Variants in MYRIP observed in about 807,000 individuals in gnomAD.
MYRIP encodes rab effector MyRIP.
Under a neutral mutation model 98.0 loss-of-function variants are expected in MYRIP, and 49 were observed. The ratio of observed to expected loss-of-function variants is 0.50; its 90% CI spans 0.40 to 0.63. MYRIP has a LOEUF of 0.63. Ranked by LOEUF, MYRIP falls within the 30% of genes least tolerant of loss-of-function variation. MYRIP has a pLI of 0.00. For synonymous variants in MYRIP, 404 were observed against 409.5 expected, an observed-to-expected ratio of 0.99 and a Z score of 0.16; for missense variants, 1,004 against 1,058.2, an observed-to-expected ratio of 0.95 and a Z score of 0.71.
intron 12 of MYRIP, among the ~76,000 whole-genome samples, chr3:40,244,101 G>A (rs1040314808): frequency 6.6e-6 from 1 of 152,086 alleles, no homozygotes; most frequent in Admixed American, 6.5e-5. Flanking sequence ...TCCATCATGA[G>A]TCTCTTTGTT....
chr3:39,988,651 C>A (rs1946096996), intron 2 of MYRIP, among the ~76,000 whole-genome samples: 1 of 151,218 alleles, frequency 6.6e-6, no homozygotes, highest in Non-Finnish European at 1.5e-5. Flanking sequence ...GTACTCCAAT[C>A]AATTGTAGGT....
In MYRIP at chr3:40,259,764, A is replaced by ATCTT. The variant is rs1474995770; in HGVS notation, c.*1600_*1603dup. On this transcript the variant is annotated 3_prime_UTR_variant, in exon 17 of 17. Coordinates refer to ENST00000302541, the MANE Select transcript of MYRIP (RefSeq NM_015460.4). ...GAAATGACTCCTTTGAAATAAGTAA[A>ATCTT]TCTTTGGCTTTTTGTTCTGTTGGTG... The ATCTT allele has an allele frequency of 6.6e-6, 1 of 152,634 alleles. No homozygotes were observed. Among genetic ancestry groups the ATCTT allele is most frequent in the African/African-American group, 2.4e-5 (1 of 41,452 alleles). 9.5% of individuals were successfully genotyped at this position (152,634 alleles called of 1,614,324 possible). A position where few individuals can be genotyped will look rare whatever the true frequency, so the allele number is the denominator to read the frequency against.
At chr3:39,993,268 G>A (rs368202297) in intron 2 of MYRIP, among the ~76,000 whole-genome samples, 8 of 152,122 alleles carry the variant, frequency 5.3e-5, no homozygotes, top group Non-Finnish European at 8.8e-5. Context: ...ATCTATCCTC[G>A]TGGCCTAATC....
intron 2 of MYRIP, among the ~76,000 whole-genome samples, chr3:39,958,791 G>T (rs1176114339): frequency 6.6e-6 from 1 of 152,142 alleles, no homozygotes; most frequent in Non-Finnish European, 1.5e-5. Flanking sequence ...CTGACAAAGG[G>T]CTAATATCCA....
intron 13 of MYRIP, among the ~76,000 whole-genome samples, chr3:40,246,757 A>ACACTCT (rs1273220193): frequency 6.6e-6 from 1 of 152,190 alleles, no homozygotes; most frequent in Non-Finnish European, 1.5e-5. Flanking sequence ...AGAGACAATG[A>ACACTCT]CACTCTCAGG....
At chr3:39,822,492 A>G (rs1941133037) in intron 1 of MYRIP, among the ~76,000 whole-genome samples, 3 of 151,592 alleles carry the variant, frequency 2.0e-5, no homozygotes, top group African/African-American at 4.9e-5. Context: ...ATCAGCTCTC[A>G]TTAGTGTTAG....
At chr3:40,010,526 G>A (rs1946738408) in intron 2 of MYRIP, among the ~76,000 whole-genome samples, 1 of 152,190 alleles carries the variant, frequency 6.6e-6, no homozygotes, top group African/African-American at 2.4e-5. Context: ...AGCAGAACAG[G>A]ACAGCCCATC....
chr3:40,220,751 T>C (rs1482325962), intron 11 of MYRIP, among the ~76,000 whole-genome samples: 1 of 151,984 alleles, frequency 6.6e-6, no homozygotes, highest in Non-Finnish European at 1.5e-5. Context: ...CTTACAATCA[T>C]AGCAGAAGGC....
Position 39,891,070 on chromosome 3 carries a change from C to T in MYRIP, c.-30-9717C>T, listed in dbSNP as rs766011657. On this transcript the variant is annotated intron_variant, in intron 1 of 16. Transcript: ENST00000302541. ...CATTTTTTATTGTCTCCTGGTTTAG[C>T]TGAAATGAAATTTACATTTTTGTTT... 5.3e-4 allele frequency among the ~76,000 whole-genome samples: 81 copies of T among 152,172 alleles called. 1 individual carries two copies. The highest frequency in any genetic ancestry group is 9.6e-4 in the Non-Finnish European group (65 of 67,980).
At chr3:39,838,478 T>C (rs1025166256) in intron 1 of MYRIP, among the ~76,000 whole-genome samples, 1 of 152,214 alleles carries the variant, frequency 6.6e-6, no homozygotes, top group East Asian at 1.9e-4. Context: ...ATGTGGTTCT[T>C]GTCATTGGTT....
chr3:40,060,329 A>G (rs2125847557), intron 3 of MYRIP, among the ~76,000 whole-genome samples: 1 of 152,288 alleles, frequency 6.6e-6, no homozygotes, highest in Non-Finnish European at 1.5e-5. Flanking sequence ...ACCTTTGTCT[A>G]AATGCCTCTT....
chr3:40,029,155 A>G (rs747548673), intron 2 of MYRIP, among the ~76,000 whole-genome samples: 54 of 152,252 alleles, frequency 3.5e-4, no homozygotes, highest in African/African-American at 1.2e-3. Context: ...GGCTGTTGTT[A>G]TACTGTTGAG....
intron 1 of MYRIP, among the ~76,000 whole-genome samples, chr3:39,869,952 T>G (rs185195347): frequency 2.8e-3 from 430 of 152,242 alleles, no homozygotes; most frequent in African/African-American, 8.7e-3. Flanking sequence ...GGCACCTAAC[T>G]TGGTCAGGGA....
intron 12 of MYRIP, among the ~76,000 whole-genome samples, chr3:40,243,267 C>A (rs1403145402): frequency 6.6e-6 from 1 of 152,086 alleles, no homozygotes; most frequent in Non-Finnish European, 1.5e-5. Context: ...CAAACCTGTA[C>A]CTGCCTTTGC....
chr3:40,252,082 C>T (rs1030368811), intron 16 of MYRIP, 83 bp downstream of exon 16: 32 of 1,037,662 alleles, frequency 3.1e-5, no homozygotes, highest in South Asian at 2.7e-4. Context: ...CTGTAGCTCC[C>T]GCATCAGAAC....
At chr3:39,857,241 A>AGGAG (rs1427542721) in intron 1 of MYRIP, among the ~76,000 whole-genome samples, 33 of 142,072 alleles carry the variant, frequency 2.3e-4, no homozygotes, top group Admixed American at 1.4e-3. Context: ...AAGATAACAC[A>AGGAG]GGAGGGAGGG....
chr3:39,847,227 A>G (rs1438548556), intron 1 of MYRIP, among the ~76,000 whole-genome samples: 5 of 152,174 alleles, frequency 3.3e-5, no homozygotes, highest in African/African-American at 4.8e-5. Flanking sequence ...CCTGCATGCA[A>G]CTGAAAACTC....
At chr3:39,946,701 C>T (rs922231750) in intron 2 of MYRIP, among the ~76,000 whole-genome samples, 4 of 152,126 alleles carry the variant, frequency 2.6e-5, no homozygotes, top group African/African-American at 9.7e-5. Context: ...CTAGTTGGGC[C>T]TCCCACATGA....
intron 2 of MYRIP, among the ~76,000 whole-genome samples, chr3:39,955,111 A>T (rs1056149581): frequency 5.3e-5 from 8 of 152,226 alleles, no homozygotes; most frequent in African/African-American, 1.9e-4. Context: ...GCAGGATATT[A>T]TACAGGAGAA....
Sources: gnomAD v4.1 joint callset for allele counts (sites outside exome capture counted in the v4.1 genomes callset) on GRCh38, gnomAD v4.1.1 for gene constraint, MANE v1.5 for transcripts, NCBI Gene and HGNC (gene_info 2026-07-23, HGNC 2026-07-21) for gene names.